Variants in GLG1 observed in about 807,000 individuals in gnomAD.
The protein encoded by GLG1 is golgi glycoprotein 1, also known as Golgi apparatus protein 1.
In GLG1, 38 loss-of-function variants were observed where a neutral mutation model predicts 160.5. The observed-to-expected ratio is 0.24, with a 90% CI of 0.18 to 0.31. The LOEUF is 0.31. GLG1 is among the 10% of genes least tolerant of loss of function. The probability of loss-of-function intolerance (pLI) is 1.00; values close to 1 mark genes in which losing one functional copy is unlikely to be tolerated. For synonymous variants in GLG1, 644 were observed against 543.4 expected (o/e 1.19, Z -2.57); for missense variants, 1,373 against 1,505.2 (o/e 0.91, Z 1.45).
At chr16:74,518,091 G>A (rs1020131181) in intron 2 of GLG1, among the ~76,000 whole-genome samples, 1 of 152,116 alleles carries the variant, frequency 6.6e-6, no homozygotes, top group African/African-American at 2.4e-5. Flanking sequence ...CTCGTGGATA[G>A]AAGAATCAAT....
Position 74,453,186 on chromosome 16 carries a change from C to T in GLG1, c.3521G>A (p.Arg1174Gln), listed in dbSNP as rs770757693. 39 of 1,613,970 alleles carry T rather than the reference C, an allele frequency of 2.4e-5. No homozygotes were observed. The South Asian group carries it at 3.6e-4, about 15-fold the overall frequency. ...MCGRITKRVT[R>Q]ELKDR The stretch of plus-strand genomic sequence containing the variant: ...GTGGCTCTACCTGTCCTTGAGCTCT[C>T]GTGTCACTCGCTTGGTGATCCGTCC... Residue 1174 changes from arginine to glutamine, a missense_variant, in exon 26 of 26, where the codon CGA becomes CAA. By Grantham distance (43) the Arg-to-Gln change is conservative (BLOSUM62 1). Around this residue, in one of 4 missense-constraint regions of GLG1, gnomAD observed 491 missense variants for 632.1 expected, o/e 0.78. Coordinates refer to ENST00000422840, the MANE Select transcript of GLG1 (RefSeq NM_001145667.2).
intron 22 of GLG1, among the ~76,000 whole-genome samples, chr16:74,460,499 T>A (rs1044352114): frequency 6.6e-6 from 1 of 152,198 alleles, no homozygotes; most frequent in South Asian, 2.1e-4. Context: ...GTGATTCCAA[T>A]CAGCTCTGGA....
intron 19 of GLG1, chr16:74,464,138 C>T (rs1365075898): frequency 1.3e-5 from 2 of 152,822 alleles, no homozygotes; most frequent in East Asian, 1.9e-4. Flanking sequence ...ACATTTCTTT[C>T]TACTGCCTCA....
chr16:74,475,770 G>A (rs572544743), intron 12 of GLG1, among the ~76,000 whole-genome samples: 3 of 152,198 alleles, frequency 2.0e-5, no homozygotes, highest in Non-Finnish European at 4.4e-5. Context: ...GAGGGGAAGA[G>A]AGGAGTTGTA....
At chr16:74,512,160 CTTTTT>C (rs71848568) in intron 2 of GLG1, among the ~76,000 whole-genome samples, 13 of 135,852 alleles carry the variant, frequency 9.6e-5, no homozygotes, top group Non-Finnish European at 1.9e-4. Context: ...TCTTTTATTT[CTTTTT>C]TTTTTTTTTC....
At chr16:74,528,944 T>C (rs1003917689) in intron 2 of GLG1, among the ~76,000 whole-genome samples, 4 of 150,638 alleles carry the variant, frequency 2.7e-5, no homozygotes, top group African/African-American at 9.8e-5. Flanking sequence ...TTTCTTCGAA[T>C]ACTGCTTCTA....
intron 4 of GLG1, among the ~76,000 whole-genome samples, chr16:74,501,568 G>A (rs1210310319): frequency 2.0e-5 from 3 of 152,170 alleles, no homozygotes; most frequent in African/African-American, 7.2e-5. Flanking sequence ...GCTAGAAGGA[G>A]GCTAATCAGC....
chr16:74,452,926 CAA>C lies in GLG1; in HGVS notation c.*239_*240del, dbSNP rs2143108417. Reference sequence around the variant, plus strand: ...AGACTTGTCTACAGGCAGGTAAACCCAAGTTTGCCAAACAAAGGCAGTAACCC... The same window carrying C: ...AGACTTGTCTACAGGCAGGTAAACCCGTTTGCCAAACAAAGGCAGTAACCC... On this transcript the variant is annotated 3_prime_UTR_variant, in exon 26 of 26. Transcript: ENST00000422840. 8.3e-7 allele frequency: 1 copy of C among 1,203,534 alleles called. No homozygotes were observed. The highest frequency in any genetic ancestry group is 4.3e-5 in the Admixed American group (1 of 23,490). The allele number at this position is 1,203,534 out of a possible 1,614,324, so 74.6% of individuals were successfully genotyped here. A position where few individuals can be genotyped will look rare whatever the true frequency, so the allele number is the denominator to read the frequency against.
At chr16:74,560,094 C>T (rs1026047914) in intron 1 of GLG1, among the ~76,000 whole-genome samples, 2 of 152,114 alleles carry the variant, frequency 1.3e-5, no homozygotes, top group African/African-American at 2.4e-5. Context: ...CTGGGCCACA[C>T]GCGTTTCGCC....
intron 1 of GLG1, among the ~76,000 whole-genome samples, chr16:74,583,649 G>C (rs1388523961): frequency 6.6e-6 from 1 of 152,110 alleles, no homozygotes; most frequent in East Asian, 1.9e-4. Context: ...CAAAGTGCTG[G>C]GATTACAGGA....
chr16:74,547,071 C>G (rs3096412), intron 1 of GLG1, among the ~76,000 whole-genome samples: 36 of 151,984 alleles, frequency 2.4e-4, no homozygotes, highest in East Asian at 5.8e-4. Context: ...AGTTGACTTC[C>G]CTGGTTTAAG....
In GLG1 at chr16:74,532,507, G is replaced by A. The variant is rs548034353; in HGVS notation, c.439-354C>T. ...CTTATTATAGAGTGCAGAGAAAGTC[G>A]CTCAATTTTTATTTATTTATTTTTT... On this transcript the variant is annotated intron_variant, in intron 1 of 25. Coordinates refer to ENST00000422840, the MANE Select transcript of GLG1 (RefSeq NM_001145667.2). 4.6e-5 allele frequency among the ~76,000 whole-genome samples: 7 copies of A among 152,116 alleles called. No individual in the cohort carries two copies. In the East Asian group the frequency reaches 9.6e-4, roughly 21 times the overall value.
intron 1 of GLG1, among the ~76,000 whole-genome samples, chr16:74,572,712 T>A (rs2143787681): frequency 6.6e-6 from 1 of 152,198 alleles, no homozygotes; most frequent in Middle Eastern, 3.4e-3. Context: ...TAATATTCCT[T>A]AAAATACTTG....
At chr16:74,520,456 T>C (rs1170286111) in intron 2 of GLG1, among the ~76,000 whole-genome samples, 1 of 152,066 alleles carries the variant, frequency 6.6e-6, no homozygotes, top group African/African-American at 2.4e-5. Context: ...GACCAACATG[T>C]AGAAACCCTA....
In GLG1 at chr16:74,463,382, G is replaced by C. The variant is rs1269569213; in HGVS notation, c.2765C>G (p.Thr922Ser). The C allele has an allele frequency of 6.2e-7, 1 of 1,614,038 alleles. No individual in the cohort carries two copies. Among genetic ancestry groups the C allele is most frequent in the Non-Finnish European group, 8.5e-7 (1 of 1,179,948 alleles). The change falls in exon 20 of 26, where the codon ACC (threonine) becomes AGC (serine). Residue 922 changes from threonine to serine, a missense_variant. Physicochemically the swap from Thr to Ser is moderately conservative, Grantham distance 58 (BLOSUM62 1). Around this residue, in one of 4 missense-constraint regions of GLG1, gnomAD observed 491 missense variants for 632.1 expected, o/e 0.78. Coordinates refer to ENST00000422840, the MANE Select transcript of GLG1 (RefSeq NM_001145667.2). ...TGTGTTCTGGGTGATCTGGCGCTTG[G>C]TTATCATCTGTTTGCATTTGGGATC... ...LMDPKCKQMI[T>S]KRQITQNTDY...
At chr16:74,531,968 T>A (rs1339092012) in intron 2 of GLG1, among the ~76,000 whole-genome samples, 153 bp downstream of exon 2, 1 of 152,212 alleles carries the variant, frequency 6.6e-6, no homozygotes, top group African/African-American at 2.4e-5. Flanking sequence ...GGGTTATTTG[T>A]TGATTTTACC....
intron 1 of GLG1, among the ~76,000 whole-genome samples, chr16:74,542,712 A>AGGAAG (rs1233351958): frequency 0.062 from 2,342 of 38,072 alleles, 459 homozygotes; most frequent in South Asian, 0.12. Flanking sequence ...GAGGAAGGGA[A>AGGAAG]GAAGGGAAGG....
intron 1 of GLG1, among the ~76,000 whole-genome samples, chr16:74,601,257 CAT>C (rs1958431976): frequency 6.6e-6 from 1 of 151,952 alleles, no homozygotes; most frequent in Admixed American, 6.6e-5. Context: ...GGAAACGACT[CAT>C]ATAAGTTAGA....
chr16:74,572,521 A>G (rs543832940), intron 1 of GLG1, among the ~76,000 whole-genome samples: 1 of 147,050 alleles, frequency 6.8e-6, no homozygotes, highest in African/African-American at 2.5e-5. Context: ...TCAAAAAAAA[A>G]ACAAACAAAA....
Sources: gnomAD v4.1 joint callset for allele counts (sites outside exome capture counted in the v4.1 genomes callset) on GRCh38, gnomAD v4.1.1 for gene constraint, gnomAD v4.1.1 regional missense constraint, MANE v1.5 for transcripts, NCBI Gene and HGNC (gene_info 2026-07-23, HGNC 2026-07-21) for gene names.